POLDIP3: variants seen among roughly 807,000 people sequenced by gnomAD.
POLDIP3 encodes polymerase delta-interacting protein 3.
A neutral mutation model predicts 45.1 loss-of-function variants in POLDIP3; 14 were observed. The observed-to-expected ratio is 0.31, with a 90% CI of 0.20 to 0.49. POLDIP3 has a LOEUF of 0.49. Ranked by LOEUF, POLDIP3 falls within the 20% of genes least tolerant of loss-of-function variation. POLDIP3 has a pLI of 0.99. For missense variants in POLDIP3, 511 were observed against 538.8 expected, an observed-to-expected ratio of 0.95 and a Z score of 0.51; for synonymous variants, 223 against 205.2, an observed-to-expected ratio of 1.09 and a Z score of -0.74.
chr22:42,599,942 G>A (rs1926247480), intron 3 of POLDIP3, 149 bp from the exon 4 acceptor site: 2 of 608,230 alleles, frequency 3.3e-6, no homozygotes, highest in Non-Finnish European at 2.8e-6. Context: ...TGGAAAGACT[G>A]GGGCCCAAGT....
rs1191254773 is a variant in POLDIP3 at position 42,585,966 on chromosome 22, C to T, written c.1091G>A (p.Arg364Gln). 2.5e-6 allele frequency: 4 copies of T among 1,609,800 alleles called. No individual in the cohort carries two copies. The highest frequency in any genetic ancestry group is 3.4e-6 in the Non-Finnish European group (4 of 1,177,952). Reference protein sequence around the residue: ...VITSDQPILLRLSDSPSMKKE... With the variant: ...VITSDQPILLQLSDSPSMKKE... ...TTTCATTGATGGGCTGTCACTCAGC[C>T]GCCTGTGGAGAGCAGAGAAGAGTCA... The change falls in exon 9 of 9, where the codon CGG becomes CAG. Residue 364 changes from arginine to glutamine, a missense_variant and splice_region_variant. Arg to Gln is a conservative substitution (Grantham distance 43). This residue lies in a region of POLDIP3 where 66 missense variants were observed against 118.1 expected (regional missense o/e 0.56). Transcript: ENST00000252115.
At chr22:42,586,459 C>T (rs1429036669) in intron 8 of POLDIP3, among the ~76,000 whole-genome samples, 1 of 152,102 alleles carries the variant, frequency 6.6e-6, no homozygotes, top group African/African-American at 2.4e-5. Flanking sequence ...CCCCAAGTAA[C>T]TGGGACTATA....
At chr22:42,601,887 A>C (rs895788954) in intron 3 of POLDIP3, 83 bp downstream of exon 3, 37 of 1,445,162 alleles carry the variant, frequency 2.6e-5, no homozygotes, top group Non-Finnish European at 3.3e-5. Context: ...CCACCCAAGT[A>C]GGCCTCATCA....
chr22:42,610,406 A>AC (rs1264102408), intron 1 of POLDIP3, among the ~76,000 whole-genome samples: 3 of 151,744 alleles, frequency 2.0e-5, no homozygotes, highest in African/African-American at 7.3e-5. Context: ...TCCCCCAACA[A>AC]CCTCCCACTT....
chr22:42,601,999 T>G lies in POLDIP3; in HGVS notation c.508A>C (p.Asn170His). 1 of 1,614,114 alleles carries G rather than the reference T, an allele frequency of 6.2e-7. No homozygotes were observed. Among genetic ancestry groups the G allele is most frequent in the Non-Finnish European group, 8.5e-7 (1 of 1,180,014 alleles). The part of the protein sequence containing the change: ...LHPHPAGMRI[N>H]VVNNHQAKQN... Reference sequence around the variant, plus strand: ...TTGGCCTGGTGGTTATTGACAACATTGATTCTCATTCCGGCAGGATGGGGA... The same window carrying G: ...TTGGCCTGGTGGTTATTGACAACATGGATTCTCATTCCGGCAGGATGGGGA... Residue 170 changes from asparagine to histidine, a missense_variant, in exon 3 of 9, where the codon AAT (asparagine) becomes CAT (histidine). Physicochemically the swap from Asn to His is moderately conservative, Grantham distance 68 (BLOSUM62 1). Around this residue, in one of 4 missense-constraint regions of POLDIP3, gnomAD observed 378 missense variants for 352.3 expected, o/e 1.07. Coordinates refer to ENST00000252115, the MANE Select transcript of POLDIP3 (RefSeq NM_032311.5).
rs28627172 is a variant in POLDIP3 at position 42,614,811 on chromosome 22, G to T, written c.47C>A (p.Ala16Glu). 6.2e-7 allele frequency: 1 copy of T among 1,613,928 alleles called. No individual in the cohort carries two copies. Among genetic ancestry groups the T allele is most frequent in the Non-Finnish European group, 8.5e-7 (1 of 1,179,900 alleles). ...AAAGGCCTCTCACCGTCCTTTCGCC[G>T]CCGCCCCGCGCTTCCTGATGAGTTC... ...LDELIRKRGA[A>E]AKGRLNARPG... The change falls in exon 1 of 9, where the codon GCG (alanine) becomes GAG (glutamate). Residue 16 changes from alanine to glutamate, a missense_variant. By Grantham distance (107) the Ala-to-Glu change is moderately radical. Around this residue, in one of 4 missense-constraint regions of POLDIP3, gnomAD observed 378 missense variants for 352.3 expected, o/e 1.07. Transcript: ENST00000252115.
intron 1 of POLDIP3, among the ~76,000 whole-genome samples, chr22:42,607,373 G>A (rs1926802544): frequency 6.6e-6 from 1 of 152,238 alleles, no homozygotes; most frequent in Non-Finnish European, 1.5e-5. Context: ...TCGGCCTCCC[G>A]AGGTGCCGGG....
At chr22:42,609,947 C>T (rs549344934) in intron 1 of POLDIP3, among the ~76,000 whole-genome samples, 12 of 152,154 alleles carry the variant, frequency 7.9e-5, no homozygotes, top group Non-Finnish European at 1.6e-4. Flanking sequence ...CTGAGATGGG[C>T]GGATCACTTG....
chr22:42,587,066 G>T (rs1235038147), intron 8 of POLDIP3, among the ~76,000 whole-genome samples: 2 of 151,190 alleles, frequency 1.3e-5, no homozygotes, highest in Non-Finnish European at 2.9e-5. Context: ...AACACAGTGA[G>T]ACTCTCAAAA....
intron 4 of POLDIP3, among the ~76,000 whole-genome samples, chr22:42,597,167 A>G (rs1267744383): frequency 6.6e-6 from 1 of 152,190 alleles, no homozygotes; most frequent in Admixed American, 6.5e-5. Flanking sequence ...CTCCATCTGG[A>G]TGTGGTCCCT....
chr22:42,606,664 C>G lies in POLDIP3; in HGVS notation c.60-3504G>C, dbSNP rs993144822. The stretch of plus-strand genomic sequence containing the variant: ...AAATTTAAAAGGACAGAATCTCATT[C>G]TGCTGCTCAGGATGGAGTGCAGTGA... On this transcript the variant is annotated intron_variant, in intron 1 of 8. Coordinates refer to ENST00000252115, the MANE Select transcript of POLDIP3 (RefSeq NM_032311.5). 4.6e-5 allele frequency among the ~76,000 whole-genome samples: 7 copies of G among 152,338 alleles called. No individual in the cohort carries two copies. In the East Asian group the frequency reaches 1.3e-3, roughly 29 times the overall value.
chr22:42,609,914 G>A (rs900780641), intron 1 of POLDIP3, among the ~76,000 whole-genome samples: 4 of 152,204 alleles, frequency 2.6e-5, no homozygotes, highest in Non-Finnish European at 5.9e-5. Context: ...GCTCACGCCT[G>A]TAATCCCAAG....
Position 42,587,689 on chromosome 22 carries a change from C to A in POLDIP3, c.1022-117G>T. On this transcript the variant is annotated intron_variant, in intron 7 of 8. Coordinates refer to ENST00000252115, the MANE Select transcript of POLDIP3 (RefSeq NM_032311.5). ...AAGCACCCACCACTGGCAGTTCTGG[C>A]TCCACAGATGGAGATGGGGCTGCTA... 9 of 958,832 alleles carry A rather than the reference C, an allele frequency of 9.4e-6. No individual in the cohort carries two copies. The South Asian group carries it at 9.9e-5, about 11-fold the overall frequency. 59.4% of individuals were successfully genotyped at this position (958,832 alleles called of 1,614,324 possible).
Position 42,592,018 on chromosome 22 carries a change from C to T in POLDIP3, c.958G>A (p.Val320Met), listed in dbSNP as rs1197688368. ...ATGGCATCGTCCTTTTTCACAAACA[C>T]CACCTCCGCTACCCCAGGATGGACC... ...RLVHPGVAEV[V>M]FVKKDDAITA... Residue 320 changes from valine to methionine, a missense_variant, in exon 7 of 9, where the codon GTG (valine) becomes ATG (methionine). Coordinates refer to ENST00000252115, the MANE Select transcript of POLDIP3 (RefSeq NM_032311.5). 6.2e-7 allele frequency: 1 copy of T among 1,614,114 alleles called. No individual in the cohort carries two copies. Among genetic ancestry groups the T allele is most frequent in the African/African-American group, 1.3e-5 (1 of 74,938 alleles).
Position 42,599,702 on chromosome 22 carries a change from TG to T in POLDIP3, c.628del (p.His210ThrfsTer5). The T allele has an allele frequency of 1.3e-6, 2 of 1,597,892 alleles. No homozygotes were observed. The highest frequency in any genetic ancestry group is 1.7e-6 in the Non-Finnish European group (2 of 1,165,464). On this transcript the variant is annotated frameshift_variant, in exon 4 of 9. Coordinates refer to ENST00000252115, the MANE Select transcript of POLDIP3 (RefSeq NM_032311.5). LOFTEE classifies it high-confidence loss of function. The stretch of plus-strand genomic sequence containing the variant: ...AGAAAACATGAAATGCCATACCATG[TG>T]GTGGAGAAAGCCGCCTGAGGCTGCA... ...KFAASGGFLHHMAGLSSSKLS... is the reference protein window; with the variant it reads ...KFAASGGFLHXMAGLSSSKLS...
At chr22:42,594,416 C>A (rs1171177245) in intron 6 of POLDIP3, among the ~76,000 whole-genome samples, 1 of 152,158 alleles carries the variant, frequency 6.6e-6, no homozygotes, top group African/African-American at 2.4e-5. Context: ...GAGGCTGAGG[C>A]AGGAGAATTG....
intron 6 of POLDIP3, among the ~76,000 whole-genome samples, chr22:42,594,937 C>T (rs1569297982): frequency 6.6e-6 from 1 of 152,188 alleles, no homozygotes; most frequent in African/African-American, 2.4e-5. Flanking sequence ...ATAGATATCC[C>T]CTGACTCTGA....
intron 4 of POLDIP3, among the ~76,000 whole-genome samples, chr22:42,598,784 C>T (rs1926163075): frequency 6.6e-6 from 1 of 152,214 alleles, no homozygotes; most frequent in African/African-American, 2.4e-5. Flanking sequence ...AAAGAGGTGG[C>T]TGCCACAAGG....
rs1164694665 is a variant in POLDIP3, at chr22:42,595,688, C to T, written c.814-74G>A. On this transcript the variant is annotated intron_variant, in intron 5 of 8. Transcript: ENST00000252115. ...TTCCCACAACAGAAATTCCTCCAGG[C>T]ACGTGACTAGGAAGGCCCAGAGGAA... The T allele has an allele frequency of 5.0e-6, 7 of 1,393,104 alleles. No homozygotes were observed. The African/African-American group carries it at 5.7e-5, about 11-fold the overall frequency. The allele number at this position is 1,393,104 out of a possible 1,614,324, so 86.3% of individuals were successfully genotyped here.
Sources: gnomAD v4.1 joint callset for allele counts (sites outside exome capture counted in the v4.1 genomes callset) on GRCh38, gnomAD v4.1.1 for gene constraint, gnomAD v4.1.1 regional missense constraint, MANE v1.5 for transcripts, NCBI Gene and HGNC (gene_info 2026-07-23, HGNC 2026-07-21) for gene names.